Variants in SCARB1 observed in about 807,000 individuals in gnomAD.
SCARB1 encodes the protein scavenger receptor class B member 1.
Under a neutral mutation model 57.2 loss-of-function variants are expected in SCARB1, and 30 were observed. That is an observed-to-expected ratio of 0.52 (90% CI 0.39 to 0.71). The LOEUF (loss-of-function observed/expected upper bound fraction) is 0.71, where lower values mean the gene tolerates loss of function less well. SCARB1 is among the 30% of genes least tolerant of loss of function. SCARB1 has a pLI of 0.00. For synonymous variants in SCARB1, 249 were observed against 268.3 expected (o/e 0.93, Z 0.70); for missense variants, 543 against 671.2 (o/e 0.81, Z 2.11).
chr12:124,830,501 G>C (rs1951342430), intron 1 of SCARB1, among the ~76,000 whole-genome samples: 1 of 152,134 alleles, frequency 6.6e-6, no homozygotes, highest in African/African-American at 2.4e-5. Flanking sequence ...GCTACCCAGA[G>C]ACAAAAGGGA....
At chr12:124,833,508 C>T (rs1057102440) in intron 1 of SCARB1, among the ~76,000 whole-genome samples, 1 of 152,088 alleles carries the variant, frequency 6.6e-6, no homozygotes, top group Non-Finnish European at 1.5e-5. Flanking sequence ...AACTTAATCA[C>T]GCCTACAAAG....
intron 9 of SCARB1, among the ~76,000 whole-genome samples, chr12:124,793,570 G>A (rs1299664827): frequency 1.3e-5 from 2 of 152,074 alleles, no homozygotes; most frequent in Admixed American, 1.3e-4. Flanking sequence ...GCGGGCGCCT[G>A]TAGTCCCAGC....
chr12:124,812,482 T>C lies in SCARB1; in HGVS notation c.631-517A>G, dbSNP rs1950565148. Among the ~76,000 whole-genome samples the C allele has an allele frequency of 6.6e-6, 1 of 152,102 alleles. No homozygotes were observed. The highest frequency in any genetic ancestry group is 2.1e-4 in the South Asian group (1 of 4,826). On this transcript the variant is annotated intron_variant, in intron 4 of 12. Transcript: ENST00000261693. This position sits in a 1 kb window ranked among gnomAD's most constrained non-coding sequence, Gnocchi z 4.3. ...GTGCCCCAGTCACCCACACTGGACG[T>C]GGAGTGCAAGCAAAGGAATAAGTCT...
At chr12:124,830,998 C>T (rs1283034930) in intron 1 of SCARB1, among the ~76,000 whole-genome samples, 5 of 111,958 alleles carry the variant, frequency 4.5e-5, no homozygotes, top group Non-Finnish European at 7.2e-5. Context: ...TTTTTTTAGA[C>T]GGAGTTTTGC....
Position 124,812,145 on chromosome 12 carries a change from G to C in SCARB1, c.631-180C>G, listed in dbSNP as rs1950555217. ...GAGAGGAGGCTTGGGAGCTTTCTAG[G>C]AGGAATGGTCCCGGGTTCTGTGGCT... On this transcript the variant is annotated intron_variant, in intron 4 of 12. Coordinates refer to ENST00000261693, the MANE Select transcript of SCARB1 (RefSeq NM_005505.5). The surrounding 1 kb of genome is among the most constrained non-coding windows in gnomAD (Gnocchi z 4.3). Among the ~76,000 whole-genome samples the C allele has an allele frequency of 6.6e-6, 1 of 152,150 alleles. No homozygotes were observed. Among genetic ancestry groups the C allele is most frequent in the Non-Finnish European group, 1.5e-5 (1 of 68,028 alleles).
At chr12:124,803,331 C>A (rs991620559) in intron 7 of SCARB1, among the ~76,000 whole-genome samples, 1 of 152,186 alleles carries the variant, frequency 6.6e-6, no homozygotes, top group African/African-American at 2.4e-5. Context: ...GTAATCCCAG[C>A]ACTTTGGGCG....
At chr12:124,837,326 G>C (rs1951688251) in intron 1 of SCARB1, among the ~76,000 whole-genome samples, 1 of 151,846 alleles carries the variant, frequency 6.6e-6, no homozygotes, top group African/African-American at 2.4e-5. Flanking sequence ...GTTTCAACAA[G>C]CTACAGCCTG....
At chr12:124,797,758 G>C (rs1020254738) in intron 8 of SCARB1, among the ~76,000 whole-genome samples, 6 of 152,256 alleles carry the variant, frequency 3.9e-5, no homozygotes, top group African/African-American at 1.2e-4. Flanking sequence ...GGAAGGCAGA[G>C]ACCAGGGCTG....
At chr12:124,829,887 A>T (rs1951318936) in intron 1 of SCARB1, among the ~76,000 whole-genome samples, 1 of 152,192 alleles carries the variant, frequency 6.6e-6, no homozygotes, top group African/African-American at 2.4e-5. Flanking sequence ...ACCCTGTTTT[A>T]TCTCCCTGAC....
At chr12:124,851,643 T>C (rs148098326) in intron 1 of SCARB1, among the ~76,000 whole-genome samples, 2,305 of 144,644 alleles carry the variant, frequency 0.016, 62 homozygotes, top group African/African-American at 0.057. Flanking sequence ...GGAGTCTCAC[T>C]GTCACCTAGG....
chr12:124,779,896 C>A (rs895484398), intron 12 of SCARB1, among the ~76,000 whole-genome samples: 1 of 152,142 alleles, frequency 6.6e-6, no homozygotes, highest in African/African-American at 2.4e-5. Context: ...AGGTCAGCCC[C>A]GCCCCCACAC....
intron 9 of SCARB1, 86 bp downstream of exon 9, chr12:124,795,107 GTA>G (rs777548015): frequency 9.1e-6 from 10 of 1,095,444 alleles, no homozygotes; most frequent in Non-Finnish European, 1.3e-5. Context: ...GGTTCCTGGG[GTA>G]TGTCACTGGA....
intron 7 of SCARB1, among the ~76,000 whole-genome samples, chr12:124,804,666 G>A (rs1360060563): frequency 6.6e-6 from 1 of 152,218 alleles, no homozygotes; most frequent in Non-Finnish European, 1.5e-5. Context: ...GGCGTCCCAG[G>A]CCCCAGCTCC....
intron 1 of SCARB1, among the ~76,000 whole-genome samples, chr12:124,857,764 G>T (rs1246760149): frequency 6.6e-6 from 1 of 152,216 alleles, no homozygotes; most frequent in Admixed American, 6.5e-5. Flanking sequence ...GATCATAGGT[G>T]GGGGAAGCCC....
chr12:124,861,707 C>T (rs761491336), intron 1 of SCARB1, among the ~76,000 whole-genome samples: 10 of 152,202 alleles, frequency 6.6e-5, no homozygotes, highest in African/African-American at 1.4e-4. Context: ...TCACACCACT[C>T]GGCCCCAAAC....
chr12:124,844,262 AATG>A (rs1952042202), intron 1 of SCARB1, among the ~76,000 whole-genome samples: 1 of 152,134 alleles, frequency 6.6e-6, no homozygotes. Context: ...CAGCACGAGG[AATG>A]TTGACACGAG....
In SCARB1 at chr12:124,791,133, C is replaced by T. The variant is rs772575502; in HGVS notation, c.1203-3676G>A. Among the ~76,000 whole-genome samples, 116 of 152,224 alleles carry T rather than the reference C, an allele frequency of 7.6e-4. 1 individual carries two copies. The highest frequency in any genetic ancestry group is 6.8e-4 in the Non-Finnish European group (46 of 68,040). ...TGACATGTCACGTGGGTTGTCACAACTCCTTGCAGCAAGAATTGGGTGACT... is the reference window on the plus strand; with the variant it reads ...TGACATGTCACGTGGGTTGTCACAATTCCTTGCAGCAAGAATTGGGTGACT... On this transcript the variant is annotated intron_variant, in intron 9 of 12. Transcript: ENST00000261693.
intron 9 of SCARB1, among the ~76,000 whole-genome samples, chr12:124,791,079 C>T (rs1949711324): frequency 6.6e-6 from 1 of 152,220 alleles, no homozygotes; most frequent in East Asian, 1.9e-4. Flanking sequence ...CCTGGGCACT[C>T]AGTCTCTCTA....
chr12:124,809,997 T>C (rs1950464109), intron 6 of SCARB1, among the ~76,000 whole-genome samples, 177 bp downstream of exon 6: 4 of 152,178 alleles, frequency 2.6e-5, no homozygotes, highest in Admixed American at 2.6e-4. Flanking sequence ...TGTAGAGGCA[T>C]TGGCAGCTGG....
Sources: allele counts gnomAD v4.1 joint callset (sites outside exome capture counted in the v4.1 genomes callset), GRCh38; gene constraint gnomAD v4.1.1; non-coding constraint Gnocchi (gnomAD v3.1); transcripts MANE v1.5; gene names NCBI Gene and HGNC (gene_info 2026-07-23, HGNC 2026-07-21).